The following CDH13 variants were observed in gnomAD, a reference collection of about 807,000 sequenced individuals.
CDH13 encodes cadherin-13.
Under a neutral mutation model 63.8 loss-of-function variants are expected in CDH13, and 24 were observed. The ratio of observed to expected loss-of-function variants is 0.38; its 90% CI spans 0.27 to 0.53. CDH13 has a LOEUF of 0.53. Ranked by LOEUF, CDH13 falls within the 20% of genes least tolerant of loss-of-function variation. The pLI is 0.85. For missense variants in CDH13, 1,049 were observed against 903.1 expected (o/e 1.16, Z -2.07); for synonymous variants, 503 against 355.3 (o/e 1.42, Z -4.67).
chr16:83,178,659 T>C (rs556522460), intron 4 of CDH13, among the ~76,000 whole-genome samples: 2 of 152,332 alleles, frequency 1.3e-5, no homozygotes, highest in African/African-American at 2.4e-5. Context: ...GTGTGTAATT[T>C]TTCCCGCTCT....
chr16:82,760,340 G>T (rs1351632734), intron 1 of CDH13, among the ~76,000 whole-genome samples: 1 of 152,086 alleles, frequency 6.6e-6, no homozygotes, highest in African/African-American at 2.4e-5. Flanking sequence ...GTCGGAAGAG[G>T]CATTGGGCTT....
chr16:83,200,282 G>T (rs2038987919), intron 4 of CDH13, among the ~76,000 whole-genome samples: 1 of 152,184 alleles, frequency 6.6e-6, no homozygotes. Flanking sequence ...CAGGAAGCCT[G>T]CCTCCTTTTG....
intron 13 of CDH13, among the ~76,000 whole-genome samples, chr16:83,789,062 G>A (rs536001943): frequency 3.3e-5 from 5 of 152,160 alleles, no homozygotes; most frequent in South Asian, 2.1e-4. Context: ...CATGATTTAC[G>A]TTTTATTATA....
intron 2 of CDH13, among the ~76,000 whole-genome samples, chr16:82,863,679 C>T (rs1362494158): frequency 6.6e-6 from 1 of 152,172 alleles, no homozygotes; most frequent in Non-Finnish European, 1.5e-5. Context: ...ATAATTTCTG[C>T]TGTTACTATT....
intron 6 of CDH13, among the ~76,000 whole-genome samples, chr16:83,458,605 T>C (rs942308092): frequency 1.3e-5 from 2 of 152,244 alleles, no homozygotes; most frequent in Non-Finnish European, 2.9e-5. Flanking sequence ...TACTATTTTT[T>C]CATAGCTATG....
chr16:83,300,818 T>G (rs537136016), intron 5 of CDH13, among the ~76,000 whole-genome samples: 13 of 152,266 alleles, frequency 8.5e-5, no homozygotes, highest in African/African-American at 3.1e-4. Flanking sequence ...GATTTGTACA[T>G]TTTACTGTGT....
chr16:83,473,065 GCC>G (rs527833911), intron 6 of CDH13, among the ~76,000 whole-genome samples: 1 of 152,140 alleles, frequency 6.6e-6, no homozygotes, highest in African/African-American at 2.4e-5. Context: ...AGTCCAGAAG[GCC>G]CCCTCTTAGA....
intron 2 of CDH13, among the ~76,000 whole-genome samples, chr16:82,924,236 C>G (rs2042239350): frequency 6.6e-6 from 1 of 152,096 alleles, no homozygotes. Flanking sequence ...GATCAAAGGA[C>G]TCCATGTCTA....
chr16:83,242,989 C>G (rs539911122), intron 5 of CDH13, among the ~76,000 whole-genome samples: 3 of 152,246 alleles, frequency 2.0e-5, no homozygotes, highest in East Asian at 3.9e-4. Flanking sequence ...GAAGTAGGCA[C>G]TATTATTATT....
chr16:83,537,308 A>G (rs1331221830), intron 7 of CDH13, among the ~76,000 whole-genome samples: 1 of 152,240 alleles, frequency 6.6e-6, no homozygotes, highest in East Asian at 1.9e-4. Flanking sequence ...TGATCTATGC[A>G]CAAAAATTTG....
At chr16:83,377,763 A>T (rs1392354716) in intron 6 of CDH13, among the ~76,000 whole-genome samples, 1 of 152,182 alleles carries the variant, frequency 6.6e-6, no homozygotes, top group East Asian at 1.9e-4. Flanking sequence ...GAGTCAATAG[A>T]ATAGATCAGA....
At chr16:83,112,059 G>A (rs1394983222) in intron 3 of CDH13, among the ~76,000 whole-genome samples, 1 of 152,170 alleles carries the variant, frequency 6.6e-6, no homozygotes, top group Non-Finnish European at 1.5e-5. Flanking sequence ...CTAGGGCTTT[G>A]TTCCATTTTT....
chr16:83,252,761 T>A (rs999151717), intron 5 of CDH13, among the ~76,000 whole-genome samples: 74 of 152,262 alleles, frequency 4.9e-4, no homozygotes, highest in Non-Finnish European at 7.1e-4. Context: ...GTAGGAATGC[T>A]GCTCAGTATC....
chr16:82,645,643 C>T lies in CDH13; in HGVS notation c.45+18506C>T, dbSNP rs529481946. ...CCAAATGCATAGCTTCATACTCACC[C>T]AGCACACACAGGGATTTTTATCCTT... On this transcript the variant is annotated intron_variant, in intron 1 of 13. Coordinates refer to ENST00000567109, the MANE Select transcript of CDH13 (RefSeq NM_001257.5). 3.5e-4 allele frequency among the ~76,000 whole-genome samples: 54 copies of T among 152,272 alleles called. No individual in the cohort carries two copies. In the South Asian group the frequency reaches 0.011, roughly 31 times the overall value.
At chr16:83,337,500 T>G (rs2090623950) in intron 5 of CDH13, among the ~76,000 whole-genome samples, 1 of 152,168 alleles carries the variant, frequency 6.6e-6, no homozygotes, top group Admixed American at 6.5e-5. Flanking sequence ...AGGCGGTATC[T>G]TAGTGTCTCC....
chr16:83,114,558 C>G (rs1338311218), intron 3 of CDH13, among the ~76,000 whole-genome samples: 1 of 152,216 alleles, frequency 6.6e-6, no homozygotes, highest in Non-Finnish European at 1.5e-5. Context: ...CAGATAATTT[C>G]TATATCACCA....
intron 6 of CDH13, among the ~76,000 whole-genome samples, chr16:83,348,350 G>T (rs938649147): frequency 1.2e-4 from 18 of 152,132 alleles, no homozygotes; most frequent in African/African-American, 4.3e-4. Context: ...CTAGTTCTTC[G>T]GATGAAATAG....
rs7189428 is a variant in CDH13, at chr16:82,780,113, G to C, written c.46-78249G>C. ...AAATCAAGCAACGGTGTCTGCAATA[G>C]TCTCATTGCAGAGACTTCTGCTCCC... On this transcript the variant is annotated intron_variant, in intron 1 of 13. Transcript: ENST00000567109. Among the ~76,000 whole-genome samples, 321 of 152,258 alleles carry C rather than the reference G, an allele frequency of 2.1e-3. 1 individual carries two copies. The highest frequency in any genetic ancestry group is 7.3e-3 in the African/African-American group (305 of 41,536).
chr16:83,594,591 C>A (rs1287471504), intron 7 of CDH13, among the ~76,000 whole-genome samples: 1 of 152,050 alleles, frequency 6.6e-6, no homozygotes, highest in Non-Finnish European at 1.5e-5. Context: ...AAGTGGGGTA[C>A]CATGGAAAGA....
Sources: gnomAD v4.1 joint callset for allele counts (sites outside exome capture counted in the v4.1 genomes callset) on GRCh38, gnomAD v4.1.1 for gene constraint, MANE v1.5 for transcripts, NCBI Gene and HGNC (gene_info 2026-07-23, HGNC 2026-07-21) for gene names.